Variants in RNFT2 observed in about 807,000 individuals in gnomAD.
RNFT2 encodes the protein E3 ubiquitin-protein ligase RNFT2.
A neutral mutation model predicts 53.0 loss-of-function variants in RNFT2; 36 were observed. That is an observed-to-expected ratio of 0.68 (90% CI 0.52 to 0.90). The LOEUF is 0.90. Ranked by LOEUF, RNFT2 falls within the 40% of genes least tolerant of loss-of-function variation. The pLI, the probability that RNFT2 is intolerant of heterozygous loss-of-function variation, is 0.00. For synonymous variants in RNFT2, 260 were observed against 253.2 expected, an observed-to-expected ratio of 1.03 and a Z score of -0.26; for missense variants, 514 against 585.6, an observed-to-expected ratio of 0.88 and a Z score of 1.26.
At chr12:116,845,144 T>C (rs1036017023) in intron 10 of RNFT2, among the ~76,000 whole-genome samples, 1 of 150,396 alleles carries the variant, frequency 6.6e-6, no homozygotes, top group Non-Finnish European at 1.5e-5. Context: ...CTTGGGAGAT[T>C]GAAGCAGGAG....
chr12:116,841,072 T>G (rs2137214020), intron 10 of RNFT2, among the ~76,000 whole-genome samples: 1 of 152,294 alleles, frequency 6.6e-6, no homozygotes, highest in African/African-American at 2.4e-5. Flanking sequence ...TAGTATCAGT[T>G]ATCAATTGCT....
chr12:116,829,611 A>T (rs1177453044), intron 7 of RNFT2, among the ~76,000 whole-genome samples: 1 of 152,214 alleles, frequency 6.6e-6, no homozygotes, highest in East Asian at 1.9e-4. Flanking sequence ...AAGATGGAAT[A>T]TAAAAGTTGG....
At chr12:116,758,710 G>T (rs1872590704) in intron 5 of RNFT2, among the ~76,000 whole-genome samples, 1 of 152,162 alleles carries the variant, frequency 6.6e-6, no homozygotes, top group Admixed American at 6.5e-5. Context: ...AGCTTGTAGG[G>T]TTTCTGCTGA....
chr12:116,836,148 C>A, intron 9 of RNFT2, 33 bp from the exon 10 acceptor site: 1 of 1,591,456 alleles, frequency 6.3e-7, no homozygotes. Flanking sequence ...CAAGGGCGCC[C>A]ATAGCTGTAT....
At chr12:116,792,916 C>T (rs1592961468) in intron 7 of RNFT2, among the ~76,000 whole-genome samples, 1 of 152,046 alleles carries the variant, frequency 6.6e-6, no homozygotes, top group African/African-American at 2.4e-5. Flanking sequence ...CTATTTGGGT[C>T]GGTTGATGGC....
At chr12:116,793,083 A>G (rs1045847660) in intron 7 of RNFT2, among the ~76,000 whole-genome samples, 4 of 152,030 alleles carry the variant, frequency 2.6e-5, no homozygotes, top group African/African-American at 9.7e-5. Context: ...GCCTTCTAGG[A>G]GAACTGGGCT....
Position 116,790,799 on chromosome 12 carries a change from T to C in RNFT2, c.882+11451T>C, listed in dbSNP as rs116269828. Among the ~76,000 whole-genome samples the C allele has an allele frequency of 2.1e-3, 324 of 152,144 alleles. 2 individuals are homozygous for C. Among genetic ancestry groups the C allele is most frequent in the African/African-American group, 7.6e-3 (314 of 41,520 alleles). ...TGGTGAAACCCTGTCTCCACCAAAA[T>C]ACAAAGATTTAGCCGAGCATGGTGG... On this transcript the variant is annotated intron_variant, in intron 7 of 10. Coordinates refer to ENST00000257575, the MANE Select transcript of RNFT2 (RefSeq NM_001382266.1).
intron 10 of RNFT2, among the ~76,000 whole-genome samples, chr12:116,840,522 G>T (rs531703580): frequency 6.6e-6 from 1 of 152,182 alleles, no homozygotes; most frequent in Non-Finnish European, 1.5e-5. Context: ...TCTCTGCTGT[G>T]TCCAGCCAGG....
intron 7 of RNFT2, among the ~76,000 whole-genome samples, chr12:116,809,486 C>T (rs913110328): frequency 6.6e-6 from 1 of 152,068 alleles, no homozygotes; most frequent in African/African-American, 2.4e-5. Context: ...CTCCAGTTCT[C>T]GCAGGTAAAG....
At position 116,768,800 on chromosome 12, in the gene RNFT2, G is replaced by A. The variant is rs372592529; in HGVS notation, c.728+1886G>A. On this transcript the variant is annotated intron_variant, in intron 6 of 10. Coordinates refer to ENST00000257575, the MANE Select transcript of RNFT2 (RefSeq NM_001382266.1). ...GGCTGGAGTGCAGTGGTGTGATCTC[G>A]GCTCACTGCAACCTCCGCCTCCCAG... Among the ~76,000 whole-genome samples the A allele has an allele frequency of 2.8e-4, 41 of 147,782 alleles. No individual in the cohort carries two copies. The South Asian group carries it at 7.5e-3, about 27-fold the overall frequency.
At chr12:116,778,207 T>C (rs537161890) in intron 6 of RNFT2, among the ~76,000 whole-genome samples, 1 of 152,228 alleles carries the variant, frequency 6.6e-6, no homozygotes, top group African/African-American at 2.4e-5. Flanking sequence ...GGGACTGTTA[T>C]GGTTGGGTTT....
intron 7 of RNFT2, among the ~76,000 whole-genome samples, chr12:116,814,009 T>C (rs751079932): frequency 6.6e-6 from 1 of 152,202 alleles, no homozygotes; most frequent in Non-Finnish European, 1.5e-5. Context: ...CTAGGCTCGA[T>C]TTATCAATTA....
chr12:116,800,021 T>C (rs1471030926), intron 7 of RNFT2, among the ~76,000 whole-genome samples: 1 of 152,208 alleles, frequency 6.6e-6, no homozygotes, highest in African/African-American at 2.4e-5. Flanking sequence ...TCTGACTGTT[T>C]AAAAGAGCCT....
At chr12:116,830,766 C>T (rs559830478) in intron 7 of RNFT2, among the ~76,000 whole-genome samples, 9 of 151,810 alleles carry the variant, frequency 5.9e-5, no homozygotes, top group Non-Finnish European at 1.0e-4. Context: ...AAAAATTAGC[C>T]GGGCATGGTG....
intron 5 of RNFT2, among the ~76,000 whole-genome samples, chr12:116,762,580 A>AT (rs112850108): frequency 0.035 from 4,827 of 137,762 alleles, 132 homozygotes; most frequent in East Asian, 0.062. Context: ...TTCTCTACCA[A>AT]TTTTTTTTTT....
At chr12:116,816,055 C>T (rs759016943) in intron 7 of RNFT2, among the ~76,000 whole-genome samples, 2 of 152,210 alleles carry the variant, frequency 1.3e-5, no homozygotes, top group Non-Finnish European at 2.9e-5. Context: ...GTGCTTAAGA[C>T]TATAGCTGAC....
Position 116,841,868 on chromosome 12 carries a change from T to TAA in RNFT2, c.1200+5588_1200+5589dup, listed in dbSNP as rs1297057033. Among the ~76,000 whole-genome samples, 98 of 25,728 alleles carry TAA rather than the reference T, an allele frequency of 3.8e-3. 2 individuals carry two copies. Among genetic ancestry groups the TAA allele is most frequent in the Non-Finnish European group, 6.5e-3 (75 of 11,462 alleles). The allele number at this position is 25,728 out of a possible 152,430, so 16.9% of individuals were successfully genotyped here. A position where few individuals can be genotyped will look rare whatever the true frequency, so the allele number is the denominator to read the frequency against. On this transcript the variant is annotated intron_variant, in intron 10 of 10. Coordinates refer to ENST00000257575, the MANE Select transcript of RNFT2 (RefSeq NM_001382266.1). ...ATAAATATATATAAAAATATATATA[T>TAA]AAATATATATATAAATATATATAAA...
In RNFT2 at chr12:116,852,448, A is replaced by G; in HGVS notation, c.*3000A>G. 1 of 1,419,874 alleles carries G rather than the reference A, an allele frequency of 7.0e-7. No individual in the cohort carries two copies. The highest frequency in any genetic ancestry group is 9.2e-7 in the Non-Finnish European group (1 of 1,086,212). 88.0% of individuals were successfully genotyped at this position (1,419,874 alleles called of 1,614,324 possible). On this transcript the variant is annotated 3_prime_UTR_variant, in exon 11 of 11. Coordinates refer to ENST00000257575, the MANE Select transcript of RNFT2 (RefSeq NM_001382266.1). ...GACGTCTGTTCCAGGGCAGTGTAGC[A>G]TCTTTCAAGCTCCGTTACTATGGCG...
At chr12:116,825,906 C>T (rs1371453590) in intron 7 of RNFT2, among the ~76,000 whole-genome samples, 1 of 152,074 alleles carries the variant, frequency 6.6e-6, no homozygotes, top group Non-Finnish European at 1.5e-5. Flanking sequence ...GCTGTCCTGC[C>T]TCCACAGATG....
Sources: gnomAD v4.1 joint callset for allele counts (sites outside exome capture counted in the v4.1 genomes callset) on GRCh38, gnomAD v4.1.1 for gene constraint, MANE v1.5 for transcripts, NCBI Gene and HGNC (gene_info 2026-07-23, HGNC 2026-07-21) for gene names.